Variants in COL23A1 observed in about 807,000 individuals in gnomAD.
COL23A1 encodes collagen alpha-1(XXIII) chain.
A neutral mutation model predicts 99.3 loss-of-function variants in COL23A1; 97 were observed. The observed-to-expected ratio is 0.98, with a 90% CI of 0.83 to 1.16. The LOEUF (loss-of-function observed/expected upper bound fraction) is 1.16, where lower values mean the gene tolerates loss of function less well. Ranked by LOEUF, COL23A1 falls within the 50% of genes most tolerant of loss-of-function variation. The pLI is 0.00. For synonymous variants in COL23A1, 320 were observed against 308.2 expected (o/e 1.04, Z -0.40); for missense variants, 762 against 757.4 (o/e 1.01, Z -0.07).
chr5:178,408,975 TACACACAC>T (rs61457266), intron 2 of COL23A1, among the ~76,000 whole-genome samples: 13,389 of 101,688 alleles, frequency 0.13, 1,063 homozygotes, highest in East Asian at 0.38. Flanking sequence ...AAAAAAAAAA[TACACACAC>T]ACACACACAC....
intron 2 of COL23A1, among the ~76,000 whole-genome samples, chr5:178,461,912 A>T (rs1756143205): frequency 6.6e-6 from 1 of 152,260 alleles, no homozygotes. Context: ...TCAAGAACAG[A>T]AGGAAATGTC....
chr5:178,401,050 T>C (rs913147064), intron 2 of COL23A1, among the ~76,000 whole-genome samples: 1 of 152,278 alleles, frequency 6.6e-6, no homozygotes, highest in African/African-American at 2.4e-5. Flanking sequence ...TTTCTGTCTC[T>C]ATGAATTTGT....
At chr5:178,325,806 G>A (rs759310467) in intron 2 of COL23A1, among the ~76,000 whole-genome samples, 2 of 152,246 alleles carry the variant, frequency 1.3e-5, no homozygotes, top group Non-Finnish European at 2.9e-5. Context: ...GGTGTCCACA[G>A]CGGCCTGTGC....
chr5:178,329,269 C>T (rs1018358203), intron 2 of COL23A1, among the ~76,000 whole-genome samples: 12 of 152,188 alleles, frequency 7.9e-5, no homozygotes, highest in Admixed American at 2.0e-4. Context: ...CATGGAAATC[C>T]GCTTTGTCTG....
intron 2 of COL23A1, among the ~76,000 whole-genome samples, chr5:178,494,572 G>A: frequency 6.6e-6 from 1 of 152,220 alleles, no homozygotes; most frequent in Admixed American, 6.5e-5. Context: ...CTACCTGGGA[G>A]GCTGAGGCAG....
intron 3 of COL23A1, among the ~76,000 whole-genome samples, chr5:178,296,479 G>A (rs373156982): frequency 1.1e-4 from 16 of 152,162 alleles, no homozygotes; most frequent in African/African-American, 3.9e-4. Flanking sequence ...CGCACTTCAC[G>A]ACCCCCGCGG....
chr5:178,520,763 A>T (rs1759895360), intron 2 of COL23A1, among the ~76,000 whole-genome samples: 1 of 152,210 alleles, frequency 6.6e-6, no homozygotes, highest in Admixed American at 6.5e-5. Flanking sequence ...ATTCAATGAG[A>T]TAACACTCTG....
intron 2 of COL23A1, among the ~76,000 whole-genome samples, chr5:178,386,397 CCGCTGCACTCCAG>C (rs1261126592): frequency 6.6e-6 from 1 of 151,900 alleles, no homozygotes; most frequent in Non-Finnish European, 1.5e-5. Flanking sequence ...TGAGATTGCA[CCGCTGCACTCCAG>C]CTTGGCAGAG....
At chr5:178,334,736 C>A in intron 2 of COL23A1, among the ~76,000 whole-genome samples, 1 of 152,210 alleles carries the variant, frequency 6.6e-6, no homozygotes, top group East Asian at 1.9e-4. Flanking sequence ...TGACACGAAC[C>A]AAGGGACTGG....
chr5:178,466,717 G>A lies in COL23A1; in HGVS notation c.361+93965C>T, dbSNP rs557897472. Among the ~76,000 whole-genome samples the A allele has an allele frequency of 3.3e-5, 5 of 152,342 alleles. No individual in the cohort carries two copies. The East Asian group carries it at 9.6e-4, about 29-fold the overall frequency. ...CCTGAGCCATGGTTACCATTCATCT[G>A]GAGCCAAATGGGTGTCTGTATGGGA... On this transcript the variant is annotated intron_variant, in intron 2 of 28. Transcript: ENST00000390654.
intron 2 of COL23A1, among the ~76,000 whole-genome samples, chr5:178,403,303 A>C (rs1764573745): frequency 1.3e-5 from 2 of 152,138 alleles, no homozygotes; most frequent in African/African-American, 4.8e-5. Flanking sequence ...TAACCTGCCC[A>C]AGGTCATGCA....
chr5:178,399,204 GC>G (rs1340190857), intron 2 of COL23A1, among the ~76,000 whole-genome samples: 1 of 152,248 alleles, frequency 6.6e-6, no homozygotes, highest in Non-Finnish European at 1.5e-5. Flanking sequence ...GAGGTCAGCA[GC>G]CCCAGGACCT....
intron 2 of COL23A1, among the ~76,000 whole-genome samples, chr5:178,555,190 G>A (rs138472335): frequency 2.0e-5 from 3 of 152,220 alleles, no homozygotes; most frequent in Non-Finnish European, 4.4e-5. Context: ...CAGGGACAGC[G>A]GTCATGAGGG....
At chr5:178,507,920 C>T (rs1430794268) in intron 2 of COL23A1, among the ~76,000 whole-genome samples, 2 of 152,138 alleles carry the variant, frequency 1.3e-5, no homozygotes, top group East Asian at 1.9e-4. Flanking sequence ...CAGCTCATCC[C>T]CTTCACCTCT....
chr5:178,581,383 T>C (rs1763650589), intron 1 of COL23A1, among the ~76,000 whole-genome samples: 1 of 151,918 alleles, frequency 6.6e-6, no homozygotes. Context: ...CTGGCCAACA[T>C]GGTGAAACTC....
intron 2 of COL23A1, among the ~76,000 whole-genome samples, chr5:178,484,153 A>C (rs371789532): frequency 2.6e-5 from 4 of 151,900 alleles, no homozygotes; most frequent in African/African-American, 9.7e-5. Context: ...CTTGAACTCG[A>C]CCTCAGGTGA....
In COL23A1 at chr5:178,239,140, C is replaced by A. The variant is rs201074844; in HGVS notation, c.1620+1G>T. ...GCCCTGGAGACTTCCCTGCACGGTA[C>A]CTTATGCCAGCAGCCAGGCACAGGC... On this transcript the variant is annotated splice_donor_variant, in intron 28 of 28. Coordinates refer to ENST00000390654, the MANE Select transcript of COL23A1 (RefSeq NM_173465.4). LOFTEE classifies it high-confidence loss of function. The A allele has an allele frequency of 6.2e-7, 1 of 1,614,002 alleles. No individual in the cohort carries two copies. The highest frequency in any genetic ancestry group is 1.3e-5 in the African/African-American group (1 of 75,028).
chr5:178,259,848 C>T, intron 11 of COL23A1, 101 bp from the exon 12 acceptor site: 3 of 1,155,562 alleles, frequency 2.6e-6, no homozygotes, highest in South Asian at 1.8e-5. Flanking sequence ...GCACTGATGA[C>T]CCGTGCCCAG....
chr5:178,389,829 GGTGGGCACATGCAGGCAGTGT>G (rs1196344199), intron 2 of COL23A1, among the ~76,000 whole-genome samples: 1 of 152,160 alleles, frequency 6.6e-6, no homozygotes, highest in Non-Finnish European at 1.5e-5. Context: ...TTGCGTGACG[GGTGGGCACATGCAGGCAGTGT>G]GTGGAGAAAC....
Sources: allele counts gnomAD v4.1 joint callset (sites outside exome capture counted in the v4.1 genomes callset), GRCh38; gene constraint gnomAD v4.1.1; transcripts MANE v1.5; gene names NCBI Gene and HGNC (gene_info 2026-07-23, HGNC 2026-07-21).